RALYL: variants seen among roughly 807,000 people sequenced by gnomAD.
The protein encoded by RALYL is RNA-binding Raly-like protein.
In RALYL, 29 loss-of-function variants were observed where a neutral mutation model predicts 35.1. The ratio of observed to expected loss-of-function variants is 0.83; its 90% CI spans 0.61 to 1.13. The LOEUF is 1.13. RALYL is among the 50% of genes most tolerant of loss of function. RALYL has a pLI of 0.00. For missense variants in RALYL, 359 were observed against 360.4 expected, an observed-to-expected ratio of 1.00 and a Z score of 0.03; for synonymous variants, 120 against 127.6, an observed-to-expected ratio of 0.94 and a Z score of 0.40.
At chr8:84,920,281 G>A (rs770219133) in intron 8 of RALYL, among the ~76,000 whole-genome samples, 23 of 152,060 alleles carry the variant, frequency 1.5e-4, no homozygotes, top group Non-Finnish European at 1.9e-4. Context: ...CACTGATTGA[G>A]TCTTGCATTA....
At chr8:84,530,925 T>C (rs1323080234) in intron 2 of RALYL, among the ~76,000 whole-genome samples, 2 of 152,200 alleles carry the variant, frequency 1.3e-5, no homozygotes, top group Non-Finnish European at 2.9e-5. Flanking sequence ...TGCTATTCCC[T>C]CTGCTCAGAC....
intron 2 of RALYL, among the ~76,000 whole-genome samples, chr8:84,761,346 A>C (rs1812663906): frequency 6.6e-6 from 1 of 152,060 alleles, no homozygotes; most frequent in Non-Finnish European, 1.5e-5. Flanking sequence ...ATAAGTCAAA[A>C]AAACTAAGCA....
chr8:84,577,265 C>G (rs1263938373), intron 2 of RALYL, among the ~76,000 whole-genome samples: 1 of 152,200 alleles, frequency 6.6e-6, no homozygotes, highest in Admixed American at 6.5e-5. Context: ...TCACAAAGTT[C>G]AAGTAGTTGA....
intron 1 of RALYL, among the ~76,000 whole-genome samples, chr8:84,484,196 T>G (rs1016852069): frequency 1.3e-5 from 2 of 152,104 alleles, no homozygotes; most frequent in African/African-American, 4.8e-5. Context: ...TTCAAAAACT[T>G]TAACATTCAA....
intron 5 of RALYL, 82 bp downstream of exon 5, chr8:84,850,109 T>G (rs528750973): frequency 3.1e-6 from 2 of 653,246 alleles, no homozygotes; most frequent in Non-Finnish European, 5.0e-6. Context: ...TGGGTGCTCT[T>G]AATTATGGTA....
chr8:84,291,314 A>G (rs528098441), intron 1 of RALYL, among the ~76,000 whole-genome samples: 1 of 152,318 alleles, frequency 6.6e-6, no homozygotes, highest in South Asian at 2.1e-4. Flanking sequence ...TTGCCCACTT[A>G]GAATTTGCCA....
At position 84,310,480 on chromosome 8, in the gene RALYL, C is replaced by T. The variant is rs549705156; in HGVS notation, c.-24+126056C>T. Among the ~76,000 whole-genome samples, 82 of 149,924 alleles carry T rather than the reference C, an allele frequency of 5.5e-4. 2 individuals carry two copies. Among genetic ancestry groups the T allele is most frequent in the Admixed American group, 3.7e-3 (56 of 15,074 alleles). The stretch of plus-strand genomic sequence containing the variant: ...AAAAAGCAAAAAGAAAAATGGAAAA[C>T]GGCAATAAATCCGAAAAGAAAGAAA... On this transcript the variant is annotated intron_variant, in intron 1 of 8. Coordinates refer to ENST00000521268, the MANE Select transcript of RALYL (RefSeq NM_173848.7).
At chr8:84,449,321 G>A (rs2049199620) in intron 1 of RALYL, among the ~76,000 whole-genome samples, 1 of 151,930 alleles carries the variant, frequency 6.6e-6, no homozygotes, top group Non-Finnish European at 1.5e-5. Flanking sequence ...ACCCACTACA[G>A]CAGGAAGAGC....
At chr8:84,565,849 G>A (rs1250221906) in intron 2 of RALYL, among the ~76,000 whole-genome samples, 3 of 151,558 alleles carry the variant, frequency 2.0e-5, no homozygotes, top group African/African-American at 7.3e-5. Context: ...TGTAAAATGT[G>A]TTAATACCAC....
intron 4 of RALYL, among the ~76,000 whole-genome samples, chr8:84,819,976 C>T (rs1467816349): frequency 6.6e-6 from 1 of 151,806 alleles, no homozygotes; most frequent in African/African-American, 2.4e-5. Context: ...CATAGGGAAC[C>T]CTGCCCCAAA....
intron 3 of RALYL, among the ~76,000 whole-genome samples, chr8:84,784,247 A>G (rs1818860079): frequency 6.6e-6 from 1 of 152,312 alleles, no homozygotes; most frequent in Non-Finnish European, 1.5e-5. Flanking sequence ...ACTTCTAACA[A>G]TGAAATAAAT....
At chr8:84,841,559 C>T (rs372641761) in intron 4 of RALYL, among the ~76,000 whole-genome samples, 9 of 152,102 alleles carry the variant, frequency 5.9e-5, no homozygotes, top group Non-Finnish European at 8.8e-5. Flanking sequence ...GACAGATCAA[C>T]GAGACAGAAA....
intron 2 of RALYL, among the ~76,000 whole-genome samples, chr8:84,555,235 T>C (rs564454887): frequency 3.5e-4 from 54 of 152,214 alleles, no homozygotes; most frequent in East Asian, 9.7e-4. Context: ...GCCGAGATCA[T>C]GCCACTGCAC....
At position 84,820,733 on chromosome 8, in the gene RALYL, G is replaced by T. The variant is rs1323389345; in HGVS notation, c.365+15931G>T. Among the ~76,000 whole-genome samples the T allele has an allele frequency of 2.0e-5, 3 of 152,096 alleles. No individual in the cohort carries two copies. In the East Asian group the frequency reaches 5.8e-4, roughly 29 times the overall value. Reference sequence around the variant, plus strand: ...CTTGCCCCCTGACAGGCCCTGGTGTGTGATGTTCCCCTCCCTGTGTCCGTG... The same window carrying T: ...CTTGCCCCCTGACAGGCCCTGGTGTTTGATGTTCCCCTCCCTGTGTCCGTG... On this transcript the variant is annotated intron_variant, in intron 4 of 8. Coordinates refer to ENST00000521268, the MANE Select transcript of RALYL (RefSeq NM_173848.7).
intron 3 of RALYL, among the ~76,000 whole-genome samples, chr8:84,792,117 C>T (rs1040336700): frequency 6.6e-6 from 1 of 152,258 alleles, no homozygotes; most frequent in Non-Finnish European, 1.5e-5. Context: ...CAGTGCACTC[C>T]TTTAGCCTTG....
intron 1 of RALYL, among the ~76,000 whole-genome samples, chr8:84,316,220 CAGCCTAA>C (rs1330937513): frequency 2.0e-5 from 3 of 152,138 alleles, no homozygotes; most frequent in Non-Finnish European, 2.9e-5. Flanking sequence ...TACCCAAAGT[CAGCCTAA>C]ATCCCTCATT....
chr8:84,390,106 G>T (rs1018411020), intron 1 of RALYL, among the ~76,000 whole-genome samples: 1 of 151,186 alleles, frequency 6.6e-6, no homozygotes, highest in Non-Finnish European at 1.5e-5. Context: ...GATAATCATG[G>T]TTTTTGTCTT....
intron 1 of RALYL, among the ~76,000 whole-genome samples, chr8:84,454,306 G>A (rs1373259891): frequency 6.9e-6 from 1 of 144,086 alleles, no homozygotes; most frequent in East Asian, 1.9e-4. Context: ...GAAGCTCTGT[G>A]TTTGTTTGAG....
intron 1 of RALYL, among the ~76,000 whole-genome samples, chr8:84,256,281 A>T (rs765485132): frequency 2.0e-5 from 3 of 152,170 alleles, no homozygotes; most frequent in Non-Finnish European, 2.9e-5. Context: ...TTGTCTCTTA[A>T]CATATGTTCT....
Sources: allele counts gnomAD v4.1 joint callset (sites outside exome capture counted in the v4.1 genomes callset), GRCh38; gene constraint gnomAD v4.1.1; transcripts MANE v1.5; gene names NCBI Gene and HGNC (gene_info 2026-07-23, HGNC 2026-07-21).